The following SYT10 variants were observed in gnomAD, a reference collection of about 807,000 sequenced individuals.
The protein encoded by SYT10 is synaptotagmin-10.
SYT10 carries 31 observed loss-of-function variants against 51.1 expected under a neutral mutation model. The observed-to-expected ratio is 0.61, with a 90% CI of 0.46 to 0.82. The LOEUF is 0.82. Ranked by LOEUF, SYT10 falls within the 40% of genes least tolerant of loss-of-function variation. SYT10 has a pLI of 0.00. For missense variants in SYT10, 603 were observed against 634.0 expected (o/e 0.95, Z 0.53); for synonymous variants, 233 against 225.9 (o/e 1.03, Z -0.28).
intron 1 of SYT10, among the ~76,000 whole-genome samples, chr12:33,435,346 G>T (rs1437200459): frequency 2.0e-5 from 3 of 152,196 alleles, no homozygotes; most frequent in Non-Finnish European, 2.9e-5. Flanking sequence ...TGTTTGCTGA[G>T]ATCTTCTTGG....
intron 2 of SYT10, among the ~76,000 whole-genome samples, chr12:33,410,868 T>G: frequency 6.6e-6 from 1 of 152,094 alleles, no homozygotes; most frequent in East Asian, 1.9e-4. Flanking sequence ...ACTAAAACAT[T>G]TTCACAATAA....
rs116239762 is a variant in SYT10, at chr12:33,429,030, T to C, written c.152-2535A>G. Among the ~76,000 whole-genome samples the C allele has an allele frequency of 7.6e-3, 1,150 of 151,724 alleles. 12 individuals carry two copies. Among genetic ancestry groups the C allele is most frequent in the African/African-American group, 0.026 (1,092 of 41,328 alleles). ...GCAATAACTACAGCAGCACGTGGAGTTGATGAAGGTGTTTTCATTAGGATT... is the reference window on the plus strand; with the variant it reads ...GCAATAACTACAGCAGCACGTGGAGCTGATGAAGGTGTTTTCATTAGGATT... On this transcript the variant is annotated intron_variant, in intron 1 of 6. Coordinates refer to ENST00000228567, the MANE Select transcript of SYT10 (RefSeq NM_198992.4).
At chr12:33,427,083 A>G (rs1031461851) in intron 1 of SYT10, among the ~76,000 whole-genome samples, 3 of 152,178 alleles carry the variant, frequency 2.0e-5, no homozygotes. Flanking sequence ...GTCCTAAATT[A>G]ATTAATGAAT....
chr12:33,386,655 C>T (rs1325354038), intron 3 of SYT10, among the ~76,000 whole-genome samples: 1 of 152,044 alleles, frequency 6.6e-6, no homozygotes, highest in African/African-American at 2.4e-5. Context: ...CACTCCCAGA[C>T]CCTTCACATA....
chr12:33,433,888 C>G (rs1444904889), intron 1 of SYT10, among the ~76,000 whole-genome samples: 1 of 152,154 alleles, frequency 6.6e-6, no homozygotes, highest in Non-Finnish European at 1.5e-5. Context: ...CTTTGTTAAA[C>G]CTAGGCTAAA....
chr12:33,379,002 T>C (rs1866090370), intron 6 of SYT10, among the ~76,000 whole-genome samples: 1 of 152,210 alleles, frequency 6.6e-6, no homozygotes, highest in Non-Finnish European at 1.5e-5. Flanking sequence ...GTGTTCATCC[T>C]ATTTCCCTTA....
intron 3 of SYT10, among the ~76,000 whole-genome samples, chr12:33,406,335 C>T (rs17636114): frequency 0.012 from 1,901 of 152,134 alleles, 26 homozygotes; most frequent in Non-Finnish European, 0.02. Flanking sequence ...AAACCAAGGA[C>T]TTTTCCAAAT....
At chr12:33,403,886 A>C (rs1300328013) in intron 3 of SYT10, among the ~76,000 whole-genome samples, 1 of 152,178 alleles carries the variant, frequency 6.6e-6, no homozygotes, top group Non-Finnish European at 1.5e-5. Context: ...TCTAACCATA[A>C]TATTTGGCCA....
At chr12:33,376,944 T>C (rs1317141989) in intron 6 of SYT10, 43 bp from the exon 7 acceptor site, 8 of 1,591,922 alleles carry the variant, frequency 5.0e-6, no homozygotes, top group Non-Finnish European at 6.9e-6. Context: ...AGTACAGAAA[T>C]AGAACACAGT....
At chr12:33,406,548 C>T (rs1401180416) in intron 3 of SYT10, among the ~76,000 whole-genome samples, 1 of 152,090 alleles carries the variant, frequency 6.6e-6, no homozygotes, top group Admixed American at 6.5e-5. Context: ...GAGAAATAGC[C>T]TACCAGTTCT....
chr12:33,380,014 G>T, intron 5 of SYT10, 53 bp from the exon 6 acceptor site: 1 of 1,518,102 alleles, frequency 6.6e-7, no homozygotes, highest in South Asian at 1.3e-5. Flanking sequence ...AGATAAAGGG[G>T]GTTTCACAAA....
chr12:33,426,821 G>A (rs575285547), intron 1 of SYT10, among the ~76,000 whole-genome samples: 10 of 152,238 alleles, frequency 6.6e-5, no homozygotes, highest in Admixed American at 5.9e-4. Flanking sequence ...GAAGCCATGA[G>A]GCAAGAAATT....
At chr12:33,418,145 C>T (rs1430757011) in intron 2 of SYT10, among the ~76,000 whole-genome samples, 1 of 152,162 alleles carries the variant, frequency 6.6e-6, no homozygotes, top group Non-Finnish European at 1.5e-5. Context: ...GTCTCCCCAA[C>T]ATTGCTAAAT....
At chr12:33,422,942 C>T (rs1260199491) in intron 2 of SYT10, among the ~76,000 whole-genome samples, 6 of 152,226 alleles carry the variant, frequency 3.9e-5, no homozygotes, top group Middle Eastern at 3.4e-3. Context: ...GATACGTTGA[C>T]TATACCCAGG....
chr12:33,377,577 A>T (rs1198374872), intron 6 of SYT10, among the ~76,000 whole-genome samples: 1 of 152,086 alleles, frequency 6.6e-6, no homozygotes, highest in Non-Finnish European at 1.5e-5. Context: ...TTTAATTACA[A>T]CAAAACAAAT....
intron 2 of SYT10, among the ~76,000 whole-genome samples, chr12:33,409,554 C>T (rs1262181901): frequency 1.3e-5 from 2 of 151,688 alleles, no homozygotes; most frequent in African/African-American, 2.4e-5. Context: ...CACTCTGCCG[C>T]CCAGGCTGGA....
chr12:33,426,625 T>C, intron 1 of SYT10, 130 bp from the exon 2 acceptor site: 2 of 865,006 alleles, frequency 2.3e-6, no homozygotes, highest in Non-Finnish European at 3.4e-6. Flanking sequence ...TTTTAAGTTA[T>C]CTTTGTAGGA....
At chr12:33,382,223 G>A (rs1403826191) in intron 5 of SYT10, 126 bp downstream of exon 5, 3 of 899,212 alleles carry the variant, frequency 3.3e-6, no homozygotes, top group Non-Finnish European at 4.6e-6. Context: ...GAATTTTCAA[G>A]GAATCATTAT....
At chr12:33,399,232 C>T (rs988258429) in intron 3 of SYT10, among the ~76,000 whole-genome samples, 3 of 152,046 alleles carry the variant, frequency 2.0e-5, no homozygotes, top group African/African-American at 7.2e-5. Flanking sequence ...CAAATGACAC[C>T]CTTCCAATGA....
Sources: allele counts gnomAD v4.1 joint callset (sites outside exome capture counted in the v4.1 genomes callset), GRCh38; gene constraint gnomAD v4.1.1; transcripts MANE v1.5; gene names NCBI Gene and HGNC (gene_info 2026-07-23, HGNC 2026-07-21).